Variants in DLGAP2 observed in about 807,000 individuals in gnomAD.
DLGAP2 encodes the protein disks large-associated protein 2.
In DLGAP2, 26 loss-of-function variants were observed where a neutral mutation model predicts 100.3. The ratio of observed to expected loss-of-function variants is 0.26; its 90% CI spans 0.19 to 0.36. The LOEUF (loss-of-function observed/expected upper bound fraction) is 0.36. DLGAP2 is among the 10% of genes least tolerant of loss of function. The probability of loss-of-function intolerance (pLI) is 1.00; values close to 1 mark genes in which losing one functional copy is unlikely to be tolerated. For synonymous variants in DLGAP2, 886 were observed against 630.1 expected (o/e 1.41, Z -6.08); for missense variants, 1,858 against 1,453.2 (o/e 1.28, Z -4.53).
chr8:1,295,565 C>T (rs1029497279), intron 3 of DLGAP2, among the ~76,000 whole-genome samples: 1 of 152,180 alleles, frequency 6.6e-6, no homozygotes, highest in African/African-American at 2.4e-5. Flanking sequence ...TGGTCAGCCC[C>T]CGCTCCTGGA....
Position 1,480,234 on chromosome 8 carries a change from G to C in DLGAP2, c.107-21132G>C, listed in dbSNP as rs113733406. ...ACGTGGGGCTAGATGTAGGTTTTCA[G>C]TCTCCAAAAGCCGGGTCTTGTTTTT... On this transcript the variant is annotated intron_variant, in intron 3 of 14. Transcript: ENST00000637795. Among the ~76,000 whole-genome samples the C allele has an allele frequency of 7.9e-3, 1,196 of 152,240 alleles. 15 individuals carry two copies. The highest frequency in any genetic ancestry group is 0.027 in the African/African-American group (1,124 of 41,546).
intron 10 of DLGAP2, among the ~76,000 whole-genome samples, chr8:1,673,031 G>A (rs925205491): frequency 2.0e-5 from 3 of 152,218 alleles, no homozygotes; most frequent in South Asian, 2.1e-4. Flanking sequence ...CTTTGACGCC[G>A]CTGCTAGCCT....
At chr8:857,048 G>T (rs564327406) in intron 1 of DLGAP2, among the ~76,000 whole-genome samples, 23 of 152,244 alleles carry the variant, frequency 1.5e-4, no homozygotes, top group African/African-American at 5.1e-4. Flanking sequence ...CAGAACAGAG[G>T]GTCCAGAGAC....
chr8:1,629,608 A>T (rs1797593303), intron 7 of DLGAP2, among the ~76,000 whole-genome samples: 2 of 152,264 alleles, frequency 1.3e-5, no homozygotes, highest in African/African-American at 4.8e-5. Flanking sequence ...CCATACACAG[A>T]GATGAGGATA....
At chr8:1,093,524 G>A (rs72507628) in intron 2 of DLGAP2, among the ~76,000 whole-genome samples, 23,481 of 150,486 alleles carry the variant, frequency 0.16, 1,842 homozygotes, top group Admixed American at 0.2. Context: ...CAGCCAGACC[G>A]AAACACCTTC....
chr8:739,485 C>A (rs1376420100), intron 1 of DLGAP2: 2 of 152,272 alleles, frequency 1.3e-5, no homozygotes, highest in Admixed American at 6.5e-5. Flanking sequence ...CCCCAGCGCA[C>A]CTTGGAAGGC....
intron 3 of DLGAP2, among the ~76,000 whole-genome samples, chr8:1,437,296 C>T (rs898631787): frequency 3.3e-5 from 5 of 152,206 alleles, no homozygotes; most frequent in Admixed American, 6.5e-5. Flanking sequence ...CATGCAGGCG[C>T]GAAGCCATGC....
In DLGAP2 at chr8:1,018,218, G is replaced by T. The variant is rs559788493; in HGVS notation, c.73+110252G>T. Among the ~76,000 whole-genome samples the T allele has an allele frequency of 4.3e-4, 66 of 152,166 alleles. 2 individuals are homozygous for T. The South Asian group carries it at 0.013, about 30-fold the overall frequency. On this transcript the variant is annotated intron_variant, in intron 2 of 14. Transcript: ENST00000637795. ...CCTATAGGCCCTCCGTCCTCAGCTTGTCCCTGCTCAATCAGATGCGTTATC... is the reference window on the plus strand; with the variant it reads ...CCTATAGGCCCTCCGTCCTCAGCTTTTCCCTGCTCAATCAGATGCGTTATC...
intron 2 of DLGAP2, among the ~76,000 whole-genome samples, chr8:1,053,704 T>C (rs571278523): frequency 1.3e-5 from 2 of 152,294 alleles, no homozygotes; most frequent in African/African-American, 4.8e-5. Flanking sequence ...ACATATTGGG[T>C]GCTAGCAGAA....
At chr8:1,657,590 C>T (rs1798313125) in intron 8 of DLGAP2, among the ~76,000 whole-genome samples, 1 of 152,150 alleles carries the variant, frequency 6.6e-6, no homozygotes, top group Admixed American at 6.5e-5. Context: ...CTTTAATGAG[C>T]CATGTAGAGA....
At chr8:1,335,328 C>G (rs1585271104) in intron 3 of DLGAP2, among the ~76,000 whole-genome samples, 1 of 152,154 alleles carries the variant, frequency 6.6e-6, no homozygotes, top group African/African-American at 2.4e-5. Flanking sequence ...TCACTGTGGA[C>G]AACGAATTTA....
chr8:1,631,119 G>T (rs1797634624), intron 7 of DLGAP2, among the ~76,000 whole-genome samples: 1 of 152,174 alleles, frequency 6.6e-6, no homozygotes, highest in Admixed American at 6.5e-5. Context: ...ATCTTGAGAT[G>T]CTGCTCAACC....
chr8:1,436,448 C>G (rs995887990), intron 3 of DLGAP2, among the ~76,000 whole-genome samples: 1 of 152,152 alleles, frequency 6.6e-6, no homozygotes, highest in African/African-American at 2.4e-5. Flanking sequence ...ATGGTGCCCA[C>G]CCAGACTGAG....
intron 3 of DLGAP2, among the ~76,000 whole-genome samples, chr8:1,274,695 CTTTTTTTTTTT>C (rs145930765): frequency 8.6e-4 from 19 of 22,222 alleles, no homozygotes; most frequent in Non-Finnish European, 1.2e-3. Context: ...TTTCATTTAT[CTTTTTTTTTTT>C]TTTTTTTTTT....
At position 987,156 on chromosome 8, in the gene DLGAP2, C is replaced by T. The variant is rs149853526; in HGVS notation, c.73+79190C>T. Among the ~76,000 whole-genome samples the T allele has an allele frequency of 7.2e-5, 11 of 152,246 alleles. No homozygotes were observed. The East Asian group carries it at 1.5e-3, about 21-fold the overall frequency. On this transcript the variant is annotated intron_variant, in intron 2 of 14. Transcript: ENST00000637795. ...AATTCTCTCTGCTCTCCTTCCTATTCAGTGGTGCCACCGGAGGTTGGTTTG... is the reference window on the plus strand; with the variant it reads ...AATTCTCTCTGCTCTCCTTCCTATTTAGTGGTGCCACCGGAGGTTGGTTTG...
intron 2 of DLGAP2, among the ~76,000 whole-genome samples, chr8:1,209,839 T>C (rs1169084495): frequency 2.6e-5 from 4 of 152,290 alleles, no homozygotes; most frequent in South Asian, 2.1e-4. Context: ...ATTAGGACTC[T>C]TCCACAGAAG....
chr8:893,754 C>T (rs539825571), intron 1 of DLGAP2, among the ~76,000 whole-genome samples: 117 of 152,388 alleles, frequency 7.7e-4, no homozygotes, highest in Middle Eastern at 3.4e-3. Context: ...AGAGCACCAG[C>T]CCTGCCAGGT....
At chr8:1,434,622 G>A (rs981703562) in intron 3 of DLGAP2, among the ~76,000 whole-genome samples, 15 of 152,028 alleles carry the variant, frequency 9.9e-5, no homozygotes, top group African/African-American at 3.4e-4. Flanking sequence ...GACTACAGGC[G>A]TGCGCCACCA....
intron 2 of DLGAP2, among the ~76,000 whole-genome samples, chr8:1,048,038 T>C (rs1802563394): frequency 6.6e-6 from 1 of 152,192 alleles, no homozygotes; most frequent in Non-Finnish European, 1.5e-5. Context: ...TTGACCCGAC[T>C]GTGTGTAGCT....
Sources: gnomAD v4.1 joint callset for allele counts (sites outside exome capture counted in the v4.1 genomes callset) on GRCh38, gnomAD v4.1.1 for gene constraint, MANE v1.5 for transcripts, NCBI Gene and HGNC (gene_info 2026-07-23, HGNC 2026-07-21) for gene names.